Variants in CCDC30 observed in about 807,000 individuals in gnomAD.
CCDC30 encodes the protein coiled-coil domain-containing protein 30.
In CCDC30, 70 loss-of-function variants were observed where a neutral mutation model predicts 100.2. The ratio of observed to expected loss-of-function variants is 0.70; its 90% CI spans 0.58 to 0.85. The LOEUF (loss-of-function observed/expected upper bound fraction) is 0.85. CCDC30 is among the 40% of genes least tolerant of loss of function. The pLI is 0.00. For missense variants in CCDC30, 652 were observed against 771.2 expected, an observed-to-expected ratio of 0.85 and a Z score of 1.83; for synonymous variants, 233 against 269.5, an observed-to-expected ratio of 0.86 and a Z score of 1.33.
rs142219845 is a variant in CCDC30, at chr1:42,561,460, A to C, written c.457-4836A>C. Among the ~76,000 whole-genome samples, 342 of 152,334 alleles carry C rather than the reference A, an allele frequency of 2.2e-3. 3 individuals carry two copies. Among genetic ancestry groups the C allele is most frequent in the Middle Eastern group, 0.02 (6 of 294 alleles). On this transcript the variant is annotated intron_variant, in intron 6 of 16. Transcript: ENST00000668663. ...AGGTATTGATGGAACATATCTCAAA[A>C]TAATAAAGAACTATTTATGACAAAC...
intron 6 of CCDC30, among the ~76,000 whole-genome samples, chr1:42,505,803 C>CA (rs1417587435): frequency 6.6e-6 from 1 of 152,088 alleles, no homozygotes; most frequent in Admixed American, 6.6e-5. Context: ...TTTTACTGAC[C>CA]ATAGGTCAGG....
At chr1:42,625,546 A>G (rs58272494) in intron 11 of CCDC30, among the ~76,000 whole-genome samples, 22,224 of 151,676 alleles carry the variant, frequency 0.15, 1,839 homozygotes, top group South Asian at 0.3. Context: ...AGGTTTTGGT[A>G]TGTTGTGTTT....
intron 7 of CCDC30, among the ~76,000 whole-genome samples, chr1:42,567,241 T>C (rs1645624472): frequency 6.6e-6 from 1 of 152,198 alleles, no homozygotes; most frequent in Non-Finnish European, 1.5e-5. Context: ...TTTTTATAAA[T>C]AAAGTTTTAT....
At chr1:42,631,590 G>A (rs1411969220) in intron 11 of CCDC30, among the ~76,000 whole-genome samples, 1 of 152,178 alleles carries the variant, frequency 6.6e-6, no homozygotes, top group Non-Finnish European at 1.5e-5. Context: ...CCCCAGGCAG[G>A]TCCAGTGGTG....
intron 7 of CCDC30, among the ~76,000 whole-genome samples, chr1:42,573,275 G>A (rs1158583136): frequency 1.3e-5 from 2 of 152,028 alleles, no homozygotes; most frequent in Non-Finnish European, 2.9e-5. Flanking sequence ...TCTAATTTAA[G>A]AAGAGAGTAT....
At chr1:42,622,636 CTT>C (rs370828747) in intron 11 of CCDC30, among the ~76,000 whole-genome samples, 1 of 148,748 alleles carries the variant, frequency 6.7e-6, no homozygotes, top group Non-Finnish European at 1.5e-5. Context: ...CCGCACCTGG[CTT>C]TTTTTTTTCT....
chr1:42,460,114 A>C, upstream of CCDC30: 1 of 1,360,114 alleles, frequency 7.4e-7, no homozygotes, highest in Non-Finnish European at 9.4e-7. Flanking sequence ...TTGATTTTGA[A>C]ATTGAACACT....
chr1:42,604,589 A>G (rs573886221), intron 10 of CCDC30, among the ~76,000 whole-genome samples: 1 of 152,210 alleles, frequency 6.6e-6, no homozygotes, highest in East Asian at 1.9e-4. Context: ...CTTAAGGTCC[A>G]CACCTCGAAT....
At chr1:42,520,892 C>G (rs1644631265) in intron 6 of CCDC30, among the ~76,000 whole-genome samples, 1 of 151,612 alleles carries the variant, frequency 6.6e-6, no homozygotes. Flanking sequence ...CGTGATCCAC[C>G]TGCCTCAGCC....
chr1:42,592,485 G>C (rs960542408), intron 10 of CCDC30: 1 of 152,174 alleles, frequency 6.6e-6, no homozygotes, highest in Admixed American at 6.5e-5. Flanking sequence ...ATTTGAGCTT[G>C]ACCTTGAACT....
At chr1:42,488,946 C>T (rs1201863555) in intron 3 of CCDC30, among the ~76,000 whole-genome samples, 1 of 152,222 alleles carries the variant, frequency 6.6e-6, no homozygotes, top group Non-Finnish European at 1.5e-5. Context: ...ATTCTCTGCA[C>T]TACAGACCAG....
chr1:42,577,123 A>T, exon 8 of CCDC30: 1 of 1,614,096 alleles, frequency 6.2e-7, no homozygotes, highest in Non-Finnish European at 8.5e-7. Context: ...AAAATCAAGG[A>T]ACTGGAGTTG....
At chr1:42,525,981 C>T (rs72954353) in intron 6 of CCDC30, among the ~76,000 whole-genome samples, 1,824 of 152,222 alleles carry the variant, frequency 0.012, 29 homozygotes, top group African/African-American at 0.04. Flanking sequence ...TCAGGAAAGA[C>T]TTGAAAAACT....
intron 1 of CCDC30, chr1:42,467,895 A>G (rs1031341227): frequency 6.6e-6 from 1 of 152,262 alleles, no homozygotes; most frequent in Non-Finnish European, 1.5e-5. Flanking sequence ...AAAAAGTCAC[A>G]TTCGCTAAGG....
At chr1:42,514,969 G>A (rs141544452) in intron 6 of CCDC30, among the ~76,000 whole-genome samples, 2,453 of 152,216 alleles carry the variant, frequency 0.016, 42 homozygotes, top group Non-Finnish European at 0.023. Flanking sequence ...GTGTTGAATT[G>A]TGTCCTGTAC....
intron 10 of CCDC30, 135 bp from the exon 15 acceptor site, chr1:42,610,843 C>T (rs1000713534): frequency 1.9e-6 from 1 of 521,134 alleles, no homozygotes; most frequent in Non-Finnish European, 3.4e-6. Context: ...ACAGGAATCC[C>T]GTGAAGCTAC....
At chr1:42,638,936 C>T (rs1647220824) in intron 12 of CCDC30, among the ~76,000 whole-genome samples, 1 of 151,846 alleles carries the variant, frequency 6.6e-6, no homozygotes, top group Non-Finnish European at 1.5e-5. Context: ...AGTAGCAACC[C>T]TAGTTCATGG....
intron 6 of CCDC30, among the ~76,000 whole-genome samples, chr1:42,548,068 T>C (rs920924603): frequency 6.6e-6 from 1 of 152,172 alleles, no homozygotes; most frequent in South Asian, 2.1e-4. Flanking sequence ...GCATGGTTTG[T>C]TTGAGGCCCT....
intron 10 of CCDC30, among the ~76,000 whole-genome samples, chr1:42,605,837 A>G (rs1349510993): frequency 6.6e-6 from 1 of 152,180 alleles, no homozygotes; most frequent in Non-Finnish European, 1.5e-5. Flanking sequence ...TGAATGTCCA[A>G]TAAGTGTATT....
Sources: allele counts gnomAD v4.1 joint callset (sites outside exome capture counted in the v4.1 genomes callset), GRCh38; gene constraint gnomAD v4.1.1; transcripts MANE v1.5; gene names NCBI Gene and HGNC (gene_info 2026-07-23, HGNC 2026-07-21).